The following LRIG2 variants were observed in gnomAD, a reference collection of about 807,000 sequenced individuals.
LRIG2 encodes the protein leucine rich repeats and immunoglobulin like domains 2.
In LRIG2, 93 loss-of-function variants were observed where a neutral mutation model predicts 107.8. The observed-to-expected ratio is 0.86, with a 90% confidence interval of 0.73 to 1.03. LRIG2 has a LOEUF of 1.03. LRIG2 is among the 50% of genes least tolerant of loss of function. The pLI, the probability that LRIG2 is intolerant of heterozygous loss-of-function variation, is 0.00. For synonymous variants in LRIG2, 471 were observed against 470.6 expected (o/e 1.00, Z -0.01); for missense variants, 1,226 against 1,296.0 (o/e 0.95, Z 0.83).
rs568873939 is a variant in LRIG2, at chr1:113,130,450, A to G, written c.*6349A>G. ...TGAAAAATAAGAATTCTATTCCAGAAGACAGAGTTATACACAGGGAGGTGT... is the reference window on the plus strand; with the variant it reads ...TGAAAAATAAGAATTCTATTCCAGAGGACAGAGTTATACACAGGGAGGTGT... On this transcript the variant is annotated 3_prime_UTR_variant, in exon 18 of 18. Transcript: ENST00000361127. 2.0e-5 allele frequency: 3 copies of G among 152,368 alleles called. No homozygotes were observed. The South Asian group carries it at 6.2e-4, about 32-fold the overall frequency. The allele number at this position is 152,368 out of a possible 1,614,324, so 9.4% of individuals were successfully genotyped here. A position where few individuals can be genotyped will look rare whatever the true frequency, so the allele number is the denominator to read the frequency against.
chr1:113,107,850 T>G (rs1176607371), intron 12 of LRIG2, 93 bp downstream of exon 12: 3 of 1,127,324 alleles, frequency 2.7e-6, no homozygotes, highest in Non-Finnish European at 3.7e-6. Context: ...CCACTAGGAA[T>G]TTTTGTAATC....
intron 1 of LRIG2, among the ~76,000 whole-genome samples, chr1:113,081,887 G>C (rs1216769): frequency 0.86 from 131,388 of 152,250 alleles, 59,320 homozygotes; most frequent in Non-Finnish European, 0.98. Flanking sequence ...ATAATCTCAT[G>C]TAATAGAAAG....
rs1460549942 is a variant in LRIG2 at position 113,093,531 on chromosome 1, C to A, written c.482C>A (p.Thr161Lys). 6.3e-7 allele frequency: 1 copy of A among 1,598,022 alleles called. No individual in the cohort carries two copies. The highest frequency in any genetic ancestry group is 1.4e-5 in the African/African-American group (1 of 73,356). The change falls in exon 4 of 18, where the codon ACA becomes AAA. Residue 161 changes from threonine to lysine, a missense_variant. Around this residue, in one of 3 missense-constraint regions of LRIG2, gnomAD observed 570 missense variants for 550.2 expected, o/e 1.04. Transcript: ENST00000361127. Reference protein sequence around the residue: ...LSSNIISEIKTSSFPRMQLKY... With the variant: ...LSSNIISEIKKSSFPRMQLKY... ...TCAAATATAATATCAGAAATCAAGA[C>A]ATCTTCATTTCCTCGCATGCAGCTT...
chr1:113,094,844 A>G, intron 6 of LRIG2, 89 bp downstream of exon 6: 2 of 1,245,282 alleles, frequency 1.6e-6, no homozygotes, highest in Non-Finnish European at 2.2e-6. Context: ...TGTTCTGATT[A>G]TAGAGATACA....
At chr1:113,088,252 G>A (rs1221062953) in intron 1 of LRIG2, among the ~76,000 whole-genome samples, 2 of 152,042 alleles carry the variant, frequency 1.3e-5, no homozygotes, top group Non-Finnish European at 2.9e-5. Context: ...ACATTTTCCG[G>A]TACAGAGGCT....
At chr1:113,101,660 T>C (rs1391142001) in intron 11 of LRIG2, among the ~76,000 whole-genome samples, 1 of 152,234 alleles carries the variant, frequency 6.6e-6, no homozygotes, top group Non-Finnish European at 1.5e-5. Context: ...ACTGGAAATG[T>C]GTGAGTTTTC....
At position 113,116,619 on chromosome 1, in the gene LRIG2, T is replaced by A. The variant is rs912128636; in HGVS notation, c.2680+183T>A. ...TCTTAAAAGGATATGAAAATCATCTTACAGAGTGGAGAAACACATTAAACA... is the reference window on the plus strand; with the variant it reads ...TCTTAAAAGGATATGAAAATCATCTAACAGAGTGGAGAAACACATTAAACA... On this transcript the variant is annotated intron_variant, in intron 16 of 17. Transcript: ENST00000361127. Among the ~76,000 whole-genome samples, 4 of 152,222 alleles carry A rather than the reference T, an allele frequency of 2.6e-5. No homozygotes were observed. In the East Asian group the frequency reaches 7.7e-4, roughly 29 times the overall value.
At position 113,114,568 on chromosome 1, in the gene LRIG2, G is replaced by A. The variant is rs756563832; in HGVS notation, c.2222G>A (p.Arg741Gln). 8 of 1,614,050 alleles carry A rather than the reference G, an allele frequency of 5.0e-6. No homozygotes were observed. The East Asian group carries it at 1.1e-4, about 22-fold the overall frequency. ...KDDGPLLVTE[R>Q]HFFAAANQLL... ...GATGGGCCTTTGCTGGTGACAGAAC[G>A]ACATTTCTTTGCTGCAGCCAATCAG... The change falls in exon 15 of 18, where the codon CGA (arginine) becomes CAA (glutamine). Residue 741 changes from arginine (R) to glutamine (Q), a missense_variant. Coordinates refer to ENST00000361127, the MANE Select transcript of LRIG2 (RefSeq NM_014813.3).
chr1:113,077,468 A>T (rs1404873741), intron 1 of LRIG2, among the ~76,000 whole-genome samples: 1 of 152,226 alleles, frequency 6.6e-6, no homozygotes, highest in African/African-American at 2.4e-5. Flanking sequence ...GTCTTGGATC[A>T]GTATTGGGAA....
chr1:113,086,601 T>C (rs535983326), intron 1 of LRIG2, among the ~76,000 whole-genome samples: 23 of 152,222 alleles, frequency 1.5e-4, no homozygotes, highest in Non-Finnish European at 2.8e-4. Context: ...TGTAGGACTT[T>C]GTTGCAATTA....
intron 12 of LRIG2, among the ~76,000 whole-genome samples, chr1:113,109,713 T>C (rs1009175574): frequency 6.6e-6 from 1 of 152,122 alleles, no homozygotes; most frequent in Non-Finnish European, 1.5e-5. Context: ...GTGACGGGGT[T>C]TCGCCGTGTT....
chr1:113,074,267 G>A (rs1022136034), intron 1 of LRIG2, among the ~76,000 whole-genome samples: 5 of 152,188 alleles, frequency 3.3e-5, no homozygotes, highest in African/African-American at 9.7e-5. Context: ...TCACTGTAAA[G>A]AGGAGGAGTA....
rs1655546535 is a variant in LRIG2, at chr1:113,127,861, C to G, written c.*3760C>G. ...GGGATTACAGGCGTGAGCCACCGAG[C>G]CCGGCCGGTCCTTATTTTATACAAG... On this transcript the variant is annotated 3_prime_UTR_variant, in exon 18 of 18. Coordinates refer to ENST00000361127, the MANE Select transcript of LRIG2 (RefSeq NM_014813.3). 6.6e-6 allele frequency: 1 copy of G among 152,160 alleles called. No homozygotes were observed. The highest frequency in any genetic ancestry group is 2.4e-5 in the African/African-American group (1 of 41,436). The allele number at this position is 152,160 out of a possible 1,614,324, so 9.4% of individuals were successfully genotyped here.
intron 1 of LRIG2, among the ~76,000 whole-genome samples, chr1:113,082,544 A>G (rs1351953451): frequency 6.6e-6 from 1 of 152,236 alleles, no homozygotes; most frequent in African/African-American, 2.4e-5. Context: ...ACTCGTGGCC[A>G]AAGGCAAAGC....
At chr1:113,097,565 C>T (rs748782189) in intron 8 of LRIG2, among the ~76,000 whole-genome samples, 2 of 152,182 alleles carry the variant, frequency 1.3e-5, no homozygotes, top group South Asian at 2.1e-4. Flanking sequence ...TCAATGCAAT[C>T]TCAGAAACTT....
chr1:113,108,598 C>T (rs951513726), intron 12 of LRIG2, among the ~76,000 whole-genome samples: 14 of 151,242 alleles, frequency 9.3e-5, no homozygotes, highest in East Asian at 7.9e-4. Context: ...TCCTTTAGGC[C>T]GGGCACTGTG....
At chr1:113,086,475 G>C (rs1431454306) in intron 1 of LRIG2, among the ~76,000 whole-genome samples, 4 of 152,162 alleles carry the variant, frequency 2.6e-5, no homozygotes, top group Non-Finnish European at 5.9e-5. Context: ...CTCTTTGTCA[G>C]AAGTTGCTGA....
chr1:113,109,046 G>A (rs1654660045), intron 12 of LRIG2, among the ~76,000 whole-genome samples: 1 of 152,180 alleles, frequency 6.6e-6, no homozygotes, highest in African/African-American at 2.4e-5. Flanking sequence ...GGTTGGAACA[G>A]AACACACACT....
chr1:113,101,546 A>C (rs1414563391), intron 11 of LRIG2, among the ~76,000 whole-genome samples: 3 of 152,212 alleles, frequency 2.0e-5, no homozygotes, highest in African/African-American at 7.2e-5. Context: ...TTTTAGAACA[A>C]TTTTACATTA....
Sources: gnomAD v4.1 joint callset for allele counts (sites outside exome capture counted in the v4.1 genomes callset) on GRCh38, gnomAD v4.1.1 for gene constraint, gnomAD v4.1.1 regional missense constraint, MANE v1.5 for transcripts, NCBI Gene and HGNC (gene_info 2026-07-23, HGNC 2026-07-21) for gene names.